The following DNAH11 variants were observed in gnomAD, a reference collection of about 807,000 sequenced individuals.
The protein encoded by DNAH11 is axonemal beta dynein heavy chain 11.
Under a neutral mutation model 526.0 loss-of-function variants are expected in DNAH11, and 442 were observed. The observed-to-expected ratio is 0.84, with a 90% CI of 0.78 to 0.91. DNAH11 has a LOEUF of 0.91. Ranked by LOEUF, DNAH11 falls within the 40% of genes least tolerant of loss-of-function variation. The pLI, the probability that DNAH11 is intolerant of heterozygous loss-of-function variation, is 0.00. For missense variants in DNAH11, 6,989 were observed against 5,448.7 expected (o/e 1.28, Z -8.90); for synonymous variants, 2,461 against 1,935.9 (o/e 1.27, Z -7.12).
At chr7:21,823,254 A>G (rs989090923) in intron 65 of DNAH11, among the ~76,000 whole-genome samples, 4 of 152,034 alleles carry the variant, frequency 2.6e-5, no homozygotes, top group Non-Finnish European at 4.4e-5. Context: ...TATGAGTGCC[A>G]TTTTACCAGT....
At chr7:21,655,075 C>G (rs1015367471) in intron 28 of DNAH11, among the ~76,000 whole-genome samples, 6 of 151,110 alleles carry the variant, frequency 4.0e-5, no homozygotes, top group East Asian at 2.0e-4. Context: ...TTTCCCCCCC[C>G]ACCCCCAAAT....
chr7:21,673,978 C>G (rs985537951), intron 30 of DNAH11, among the ~76,000 whole-genome samples: 1 of 151,534 alleles, frequency 6.6e-6, no homozygotes, highest in Non-Finnish European at 1.5e-5. Context: ...GCTGGTCTTC[C>G]TCCTGCTCCT....
chr7:21,761,770 T>G (rs972806832), intron 54 of DNAH11, among the ~76,000 whole-genome samples: 3 of 152,156 alleles, frequency 2.0e-5, no homozygotes, highest in Non-Finnish European at 4.4e-5. Context: ...CAATAATACA[T>G]AACATGGGAG....
intron 55 of DNAH11, among the ~76,000 whole-genome samples, chr7:21,772,941 A>G (rs2127978589): frequency 6.6e-6 from 1 of 152,304 alleles, no homozygotes; most frequent in Middle Eastern, 3.4e-3. Context: ...ACGTCTGAGC[A>G]TTATTGACAA....
At chr7:21,734,609 C>T (rs1187847454) in intron 45 of DNAH11, among the ~76,000 whole-genome samples, 2 of 152,138 alleles carry the variant, frequency 1.3e-5, no homozygotes, top group Non-Finnish European at 2.9e-5. Flanking sequence ...GTGATCCTAG[C>T]CCTTTGGGAG....
chr7:21,610,622 A>T (rs748835957), intron 20 of DNAH11, among the ~76,000 whole-genome samples: 1 of 152,232 alleles, frequency 6.6e-6, no homozygotes, highest in Non-Finnish European at 1.5e-5. Context: ...GAAAAAAATG[A>T]GCAAGTTCTC....
chr7:21,635,632 G>T (rs1260445621), intron 25 of DNAH11, among the ~76,000 whole-genome samples: 1 of 92,212 alleles, frequency 1.1e-5, no homozygotes, highest in Admixed American at 1.5e-4. Flanking sequence ...GACATATGAG[G>T]AGATAACAGT....
chr7:21,679,359 G>A (rs1378987938), intron 30 of DNAH11, among the ~76,000 whole-genome samples: 1 of 152,194 alleles, frequency 6.6e-6, no homozygotes, highest in African/African-American at 2.4e-5. Context: ...GTGTATACTT[G>A]AAATTTGCTA....
At chr7:21,862,063 A>G (rs762118840) in intron 69 of DNAH11, 40 bp downstream of exon 69, 1 of 1,560,724 alleles carries the variant, frequency 6.4e-7, no homozygotes, top group Non-Finnish European at 8.7e-7. Context: ...CCCCAGAACC[A>G]AAGGCAGATG....
At chr7:21,546,385 G>T (rs1006234626) in intron 2 of DNAH11, among the ~76,000 whole-genome samples, 12 of 152,156 alleles carry the variant, frequency 7.9e-5, no homozygotes, top group Non-Finnish European at 1.6e-4. Flanking sequence ...ACAATTTTTG[G>T]TATGCAGCAG....
intron 29 of DNAH11, among the ~76,000 whole-genome samples, chr7:21,656,710 T>C (rs1782029832): frequency 6.6e-6 from 1 of 152,074 alleles, no homozygotes; most frequent in Non-Finnish European, 1.5e-5. Context: ...ACCATTTGGG[T>C]TGGGGCAGGG....
intron 66 of DNAH11, among the ~76,000 whole-genome samples, chr7:21,843,487 T>TG (rs1487627628): frequency 3.3e-5 from 5 of 150,358 alleles, no homozygotes; most frequent in East Asian, 1.9e-4. Context: ...TTTTTGTTTT[T>TG]TTTTTTTTTT....
chr7:21,597,595 A>G (rs1784908027), intron 14 of DNAH11, among the ~76,000 whole-genome samples: 1 of 152,194 alleles, frequency 6.6e-6, no homozygotes, highest in South Asian at 2.1e-4. Context: ...AAAGGGGAAG[A>G]AACACACACT....
At chr7:21,612,570 A>AAAAAAAAAAAAAAAAAAAC (rs1785576155) in intron 20 of DNAH11, among the ~76,000 whole-genome samples, 1 of 151,106 alleles carries the variant, frequency 6.6e-6, no homozygotes, top group African/African-American at 2.4e-5. Flanking sequence ...AAAAAAAAAA[A>AAAAAAAAAAAAAAAAAAAC]AAAAAAGAGA....
At chr7:21,837,879 A>T (rs1254358817) in intron 65 of DNAH11, among the ~76,000 whole-genome samples, 1 of 152,198 alleles carries the variant, frequency 6.6e-6, no homozygotes, top group Admixed American at 6.5e-5. Context: ...GATGATGGAT[A>T]TGCTAAATAC....
chr7:21,573,952 A>G (rs1336053149), intron 8 of DNAH11, among the ~76,000 whole-genome samples: 1 of 152,150 alleles, frequency 6.6e-6, no homozygotes, highest in Non-Finnish European at 1.5e-5. Flanking sequence ...CATCAATCTC[A>G]TGCCTACTAA....
At chr7:21,550,243 C>T (rs1174483805) in intron 2 of DNAH11, among the ~76,000 whole-genome samples, 1 of 152,138 alleles carries the variant, frequency 6.6e-6, no homozygotes, top group Non-Finnish European at 1.5e-5. Flanking sequence ...TTGATAGGGA[C>T]CTTTCCAGCT....
rs1012801250 is a variant in DNAH11 at position 21,586,394 on chromosome 7, T to C, written c.1711-1670T>C. 1.9e-4 allele frequency among the ~76,000 whole-genome samples: 29 copies of C among 152,246 alleles called. 1 individual carries two copies. Among genetic ancestry groups the C allele is most frequent in the African/African-American group, 7.0e-4 (29 of 41,472 alleles). On this transcript the variant is annotated intron_variant, in intron 9 of 81. Coordinates refer to ENST00000409508, the MANE Select transcript of DNAH11 (RefSeq NM_001277115.2). Reference sequence around the variant, plus strand: ...ACAATGACTGTGGGAAGAAAGTTAATCATTTACATTTTGCTAGGTAGCCCC... The same window carrying C: ...ACAATGACTGTGGGAAGAAAGTTAACCATTTACATTTTGCTAGGTAGCCCC...
intron 58 of DNAH11, among the ~76,000 whole-genome samples, chr7:21,785,301 G>A (rs1788125289): frequency 6.6e-6 from 1 of 152,116 alleles, no homozygotes; most frequent in Admixed American, 6.5e-5. Flanking sequence ...TTTTGACTGT[G>A]ACTAAGGAGA....
Sources: allele counts gnomAD v4.1 joint callset (sites outside exome capture counted in the v4.1 genomes callset), GRCh38; gene constraint gnomAD v4.1.1; transcripts MANE v1.5; gene names NCBI Gene and HGNC (gene_info 2026-07-23, HGNC 2026-07-21).